MAP4K4: variants seen among roughly 807,000 people sequenced by gnomAD.
The protein encoded by MAP4K4 is mitogen-activated protein kinase kinase kinase kinase 4.
In MAP4K4, 38 loss-of-function variants were observed where a neutral mutation model predicts 189.6. The observed-to-expected ratio is 0.20, with a 90% CI of 0.15 to 0.26. The LOEUF is 0.26. MAP4K4 is among the 10% of genes least tolerant of loss of function. MAP4K4 has a pLI of 1.00. For synonymous variants in MAP4K4, 610 were observed against 624.3 expected (o/e 0.98, Z 0.34); for missense variants, 1,054 against 1,726.9 (o/e 0.61, Z 6.91).
At chr2:101,704,558 TATATA>T (rs1559013499) in intron 2 of MAP4K4, among the ~76,000 whole-genome samples, 2 of 81,534 alleles carry the variant, frequency 2.5e-5, no homozygotes, top group East Asian at 3.3e-4. Context: ...TATATATATA[TATATA>T]TATATTTTTT....
At chr2:101,802,842 A>G (rs924191814) in intron 3 of MAP4K4, among the ~76,000 whole-genome samples, 4 of 151,896 alleles carry the variant, frequency 2.6e-5, no homozygotes, top group African/African-American at 4.8e-5. Context: ...CTGGCGTGCA[A>G]TGGCGTGATC....
intron 27 of MAP4K4, among the ~76,000 whole-genome samples, chr2:101,879,836 T>A (rs1164722328): frequency 2.0e-5 from 3 of 152,094 alleles, no homozygotes; most frequent in Admixed American, 1.3e-4. Flanking sequence ...TGCTGCTTTT[T>A]TTTTTTTTTT....
intron 2 of MAP4K4, among the ~76,000 whole-genome samples, chr2:101,769,056 C>G (rs186109881): frequency 2.0e-5 from 3 of 152,216 alleles, no homozygotes; most frequent in Admixed American, 1.3e-4. Context: ...GAAAGAAAAC[C>G]TTTGCTTTTG....
intron 2 of MAP4K4, among the ~76,000 whole-genome samples, chr2:101,787,519 C>T (rs1456380644): frequency 6.6e-6 from 1 of 152,184 alleles, no homozygotes; most frequent in Non-Finnish European, 1.5e-5. Context: ...GGCCACCCAG[C>T]TAGCGCAGGC....
At chr2:101,870,825 G>A (rs1277916082) in intron 23 of MAP4K4, among the ~76,000 whole-genome samples, 1 of 152,156 alleles carries the variant, frequency 6.6e-6, no homozygotes, top group Non-Finnish European at 1.5e-5. Flanking sequence ...CAGTGGGAGC[G>A]GGTGAGGCAG....
At chr2:101,892,850 A>G (rs1247208983) in exon 33 of MAP4K4, 1 of 455,890 alleles carries the variant, frequency 2.2e-6, no homozygotes, top group Non-Finnish European at 4.4e-6. Flanking sequence ...CCGTAAGGAT[A>G]TTACCGTCTC....
chr2:101,883,173 C>T (rs983647042), intron 28 of MAP4K4, among the ~76,000 whole-genome samples: 1 of 152,212 alleles, frequency 6.6e-6, no homozygotes, highest in Non-Finnish European at 1.5e-5. Flanking sequence ...GGGCTTATGG[C>T]CTGCCATTTT....
intron 2 of MAP4K4, among the ~76,000 whole-genome samples, chr2:101,707,538 A>C (rs1226755632): frequency 6.6e-6 from 1 of 151,540 alleles, no homozygotes; most frequent in Non-Finnish European, 1.5e-5. Context: ...TTTGAGACAG[A>C]GTTTTGCTCT....
chr2:101,789,448 C>A (rs1362245657), intron 2 of MAP4K4, among the ~76,000 whole-genome samples: 3 of 152,178 alleles, frequency 2.0e-5, no homozygotes, highest in South Asian at 4.1e-4. Flanking sequence ...GTGGGCACTA[C>A]TATGATCTCA....
intron 2 of MAP4K4, among the ~76,000 whole-genome samples, chr2:101,729,453 TG>T (rs1559124152): frequency 1.3e-5 from 2 of 152,312 alleles, no homozygotes; most frequent in Non-Finnish European, 2.9e-5. Context: ...ATAGGTGTCT[TG>T]GGTGGTGGTT....
At position 101,839,822 on chromosome 2, in the gene MAP4K4, G is replaced by A. The variant is rs369276793; in HGVS notation, c.777G>A (p.Ser259=). 18 of 1,582,280 alleles carry A rather than the reference G, an allele frequency of 1.1e-5. No individual in the cohort carries two copies. In the African/African-American group the frequency reaches 1.2e-4, roughly 11 times the overall value. ...TGATCTTTTTCACTTCTTACAGGTCGAAGAAGTTTTTTAGTTTTATAGAAG... is the reference window on the plus strand; with the variant it reads ...TGATCTTTTTCACTTCTTACAGGTCAAAGAAGTTTTTTAGTTTTATAGAAG... The change falls in exon 10 of 33, where the codon TCG becomes TCA. Residue 259 remains serine (S), a synonymous_variant. Coordinates refer to ENST00000324219, the Ensembl canonical transcript of MAP4K4.
chr2:101,814,543 G>A lies in MAP4K4; in HGVS notation c.181-9385G>A, dbSNP rs540710240. The stretch of plus-strand genomic sequence containing the variant: ...TCCAGATTTGCAAATGATCCACAAT[G>A]AAGAGAATTATTTGAAAGTAACAAA... On this transcript the variant is annotated intron_variant, in intron 3 of 32. Coordinates refer to ENST00000324219, the Ensembl canonical transcript of MAP4K4. 3.3e-5 allele frequency among the ~76,000 whole-genome samples: 5 copies of A among 152,286 alleles called. No homozygotes were observed. In the East Asian group the frequency reaches 7.7e-4, roughly 24 times the overall value.
chr2:101,735,280 A>G (rs923705140), intron 2 of MAP4K4, among the ~76,000 whole-genome samples: 2 of 152,110 alleles, frequency 1.3e-5, no homozygotes, highest in East Asian at 3.9e-4. Context: ...ACAGGGGCAA[A>G]TGGTCACCTA....
intron 2 of MAP4K4, among the ~76,000 whole-genome samples, chr2:101,713,916 CCAT>C (rs1467338385): frequency 6.6e-6 from 1 of 151,988 alleles, no homozygotes; most frequent in Non-Finnish European, 1.5e-5. Flanking sequence ...TTCTAATTTC[CCAT>C]CATCTGATCC....
intron 32 of MAP4K4, among the ~76,000 whole-genome samples, chr2:101,889,277 C>T (rs1380499488): frequency 6.6e-6 from 1 of 152,118 alleles, no homozygotes; most frequent in Non-Finnish European, 1.5e-5. Flanking sequence ...TGGAAGGAAC[C>T]GCCGTGCCAT....
At chr2:101,824,192 G>A (rs2096246250) in intron 4 of MAP4K4, 139 bp downstream of exon 4, 1 of 790,908 alleles carries the variant, frequency 1.3e-6, no homozygotes, top group Admixed American at 3.6e-5. Flanking sequence ...GGTTCTAAAG[G>A]CTTCCTTGGC....
chr2:101,864,229 A>T (rs139426330), intron 17 of MAP4K4, among the ~76,000 whole-genome samples, 178 bp downstream of exon 17: 1 of 152,324 alleles, frequency 6.6e-6, no homozygotes, highest in Non-Finnish European at 1.5e-5. Context: ...CTGTTTAGCC[A>T]GTGGTCAGTT....
chr2:101,807,474 G>T (rs977951891), intron 3 of MAP4K4, among the ~76,000 whole-genome samples: 1 of 152,262 alleles, frequency 6.6e-6, no homozygotes, highest in South Asian at 2.1e-4. Context: ...ATAGGGTGGG[G>T]TGGGGGATGT....
Position 101,808,050 on chromosome 2 carries a change from C to T in MAP4K4, c.181-15878C>T, listed in dbSNP as rs796792469. ...CCAAAGATGCTTCTTCACAGTAAAG[C>T]CCAACAACGGAAGTTTTCTTCAGGA... On this transcript the variant is annotated intron_variant, in intron 3 of 32. Coordinates refer to ENST00000324219, the Ensembl canonical transcript of MAP4K4. 5.3e-5 allele frequency among the ~76,000 whole-genome samples: 8 copies of T among 152,322 alleles called. No homozygotes were observed. In the South Asian group the frequency reaches 1.7e-3, roughly 32 times the overall value.
Sources: allele counts gnomAD v4.1 joint callset (sites outside exome capture counted in the v4.1 genomes callset), GRCh38; gene constraint gnomAD v4.1.1; transcripts MANE v1.5; gene names NCBI Gene and HGNC (gene_info 2026-07-23, HGNC 2026-07-21).